Variants in CAMK4 observed in about 807,000 individuals in gnomAD.
CAMK4 encodes calcium/calmodulin-dependent protein kinase type IV.
Under a neutral mutation model 44.9 loss-of-function variants are expected in CAMK4, and 22 were observed. That is an observed-to-expected ratio of 0.49 (90% CI 0.35 to 0.70). The LOEUF is 0.70. CAMK4 is among the 30% of genes least tolerant of loss of function. CAMK4 has a pLI of 0.01. For synonymous variants in CAMK4, 218 were observed against 215.4 expected (o/e 1.01, Z -0.11); for missense variants, 498 against 586.8 (o/e 0.85, Z 1.56).
At chr5:111,383,940 T>C (rs999773590) in intron 4 of CAMK4, among the ~76,000 whole-genome samples, 4 of 152,152 alleles carry the variant, frequency 2.6e-5, no homozygotes, top group African/African-American at 9.7e-5. Flanking sequence ...TTATAAGGAA[T>C]TTCCAGAAGG....
intron 4 of CAMK4, among the ~76,000 whole-genome samples, chr5:111,392,305 G>T (rs1477369025): frequency 6.6e-6 from 1 of 152,066 alleles, no homozygotes; most frequent in Non-Finnish European, 1.5e-5. Context: ...GAGAGAGAGA[G>T]AGCACAAAGG....
chr5:111,280,632 C>T (rs1266083298), intron 1 of CAMK4, among the ~76,000 whole-genome samples: 1 of 152,178 alleles, frequency 6.6e-6, no homozygotes, highest in African/African-American at 2.4e-5. Context: ...GGCTAGCTGA[C>T]CTAGATCTCC....
chr5:111,346,766 T>C (rs988939762), intron 2 of CAMK4, among the ~76,000 whole-genome samples: 10 of 151,872 alleles, frequency 6.6e-5, no homozygotes, highest in African/African-American at 1.9e-4. Flanking sequence ...GTCATCATTC[T>C]AATATCTGCC....
Position 111,229,196 on chromosome 5 carries a change from C to G in CAMK4, c.161+4552C>G, listed in dbSNP as rs540051209. Among the ~76,000 whole-genome samples the G allele has an allele frequency of 5.9e-5, 9 of 152,318 alleles. No homozygotes were observed. In the South Asian group the frequency reaches 1.9e-3, roughly 32 times the overall value. On this transcript the variant is annotated intron_variant, in intron 1 of 10. Transcript: ENST00000282356. ...TGGCTTAAACAATAAATATGCATTT[C>G]TCACAGCTCTGGAGGCTAGGAAGTC...
At chr5:111,266,989 C>T (rs918675715) in intron 1 of CAMK4, among the ~76,000 whole-genome samples, 4 of 152,158 alleles carry the variant, frequency 2.6e-5, no homozygotes, top group African/African-American at 9.7e-5. Flanking sequence ...TAAATATCAA[C>T]ATTTTCCAGA....
At chr5:111,409,353 G>C (rs764417802) in intron 5 of CAMK4, among the ~76,000 whole-genome samples, 9 of 152,230 alleles carry the variant, frequency 5.9e-5, no homozygotes, top group Non-Finnish European at 1.2e-4. Context: ...GCAATGGCCT[G>C]AGTTGTACAT....
chr5:111,298,127 T>C (rs1219313843), intron 1 of CAMK4, among the ~76,000 whole-genome samples: 1 of 152,218 alleles, frequency 6.6e-6, no homozygotes, highest in Non-Finnish European at 1.5e-5. Context: ...CATTTTATGA[T>C]TGAGCAATGG....
intron 2 of CAMK4, among the ~76,000 whole-genome samples, chr5:111,373,453 A>G (rs997328420): frequency 3.3e-5 from 5 of 152,138 alleles, no homozygotes; most frequent in African/African-American, 1.2e-4. Context: ...CAACCAAGAA[A>G]AAGAACATAT....
intron 1 of CAMK4, among the ~76,000 whole-genome samples, chr5:111,243,000 T>A (rs1749073700): frequency 6.6e-6 from 1 of 152,196 alleles, no homozygotes; most frequent in Admixed American, 6.5e-5. Context: ...CCTGTCTGCC[T>A]CTACACCTGG....
At chr5:111,393,763 T>C (rs1751896531) in intron 4 of CAMK4, among the ~76,000 whole-genome samples, 3 of 152,012 alleles carry the variant, frequency 2.0e-5, no homozygotes, top group South Asian at 4.2e-4. Flanking sequence ...AAATAACTTA[T>C]GGGTACTAGG....
chr5:111,428,514 A>G lies in CAMK4; in HGVS notation c.460-18172A>G, dbSNP rs548949239. On this transcript the variant is annotated intron_variant, in intron 5 of 10. Coordinates refer to ENST00000282356, the MANE Select transcript of CAMK4 (RefSeq NM_001744.6). ...ACACAGAGAAGGAAGTCAGAATTCT[A>G]TCAGATAAATTTAACAAAGAAATTG... Among the ~76,000 whole-genome samples, 68 of 152,318 alleles carry G rather than the reference A, an allele frequency of 4.5e-4. 1 individual carries two copies. Among genetic ancestry groups the G allele is most frequent in the Admixed American group, 2.9e-3 (44 of 15,308 alleles).
intron 1 of CAMK4, among the ~76,000 whole-genome samples, chr5:111,331,799 A>G (rs1305069084): frequency 6.6e-6 from 1 of 151,782 alleles, no homozygotes; most frequent in African/African-American, 2.4e-5. Flanking sequence ...ACAATAAATT[A>G]TAAATTTGTG....
intron 1 of CAMK4, among the ~76,000 whole-genome samples, chr5:111,249,509 G>T (rs1481217651): frequency 6.6e-6 from 1 of 150,544 alleles, no homozygotes. Context: ...AATTATTTTT[G>T]AGTATAGAAG....
At chr5:111,256,816 T>C (rs1480796812) in intron 1 of CAMK4, among the ~76,000 whole-genome samples, 1 of 152,208 alleles carries the variant, frequency 6.6e-6, no homozygotes, top group African/African-American at 2.4e-5. Context: ...TGTAAAGTGA[T>C]ATTCATTGCT....
At chr5:111,468,704 G>A (rs984049973) in intron 7 of CAMK4, among the ~76,000 whole-genome samples, 5 of 152,146 alleles carry the variant, frequency 3.3e-5, no homozygotes, top group Non-Finnish European at 5.9e-5. Flanking sequence ...ATTAAGCTGG[G>A]TACTGTGGCT....
At chr5:111,273,679 A>ATT (rs1750616454) in intron 1 of CAMK4, among the ~76,000 whole-genome samples, 2 of 27,372 alleles carry the variant, frequency 7.3e-5, no homozygotes, top group South Asian at 2.1e-3. Context: ...AAATGCATTT[A>ATT]TATATATATA....
rs975411078 is a variant in CAMK4 at position 111,493,309 on chromosome 5, A to C, written c.*8843A>C. ...TTAAAGCAAAGCCTCAGTCACTGAAAGCAAAAACTGAATTGGCCAGGTCTC... is the reference window on the plus strand; with the variant it reads ...TTAAAGCAAAGCCTCAGTCACTGAACGCAAAAACTGAATTGGCCAGGTCTC... On this transcript the variant is annotated 3_prime_UTR_variant, in exon 11 of 11. Transcript: ENST00000282356. The surrounding 1 kb of genome is among the most constrained non-coding windows in gnomAD (Gnocchi z 4.1). 6.6e-6 allele frequency: 1 copy of C among 152,160 alleles called. No individual in the cohort carries two copies. The highest frequency in any genetic ancestry group is 1.5e-5 in the Non-Finnish European group (1 of 68,038). 9.4% of individuals were successfully genotyped at this position (152,160 alleles called of 1,614,324 possible).
chr5:111,407,005 TAGAC>T (rs762753493), intron 5 of CAMK4, among the ~76,000 whole-genome samples: 151 of 152,300 alleles, frequency 9.9e-4, no homozygotes, highest in African/African-American at 1.4e-3. Flanking sequence ...GTAGGAGAAT[TAGAC>T]AGCCTCAAAT....
chr5:111,395,911 T>C (rs1369671165), intron 5 of CAMK4, among the ~76,000 whole-genome samples: 1 of 152,194 alleles, frequency 6.6e-6, no homozygotes, highest in Non-Finnish European at 1.5e-5. Flanking sequence ...CTATAAAATA[T>C]ATCCAGAATT....
Sources: allele counts gnomAD v4.1 joint callset (sites outside exome capture counted in the v4.1 genomes callset), GRCh38; gene constraint gnomAD v4.1.1; non-coding constraint Gnocchi (gnomAD v3.1); transcripts MANE v1.5; gene names NCBI Gene and HGNC (gene_info 2026-07-23, HGNC 2026-07-21).